TMEM200A: variants seen among roughly 807,000 people sequenced by gnomAD.
The protein encoded by TMEM200A is two transmembrane C.
TMEM200A carries 12 observed loss-of-function variants against 24.3 expected under a neutral mutation model. That is an observed-to-expected ratio of 0.49 (90% confidence interval 0.32 to 0.80). TMEM200A has a LOEUF of 0.80. Among genes scored for constraint, TMEM200A ranks in the 30% least tolerant of loss-of-function variants. The probability of loss-of-function intolerance (pLI) is 0.04; values close to 1 mark genes in which losing one functional copy is unlikely to be tolerated. For missense variants in TMEM200A, 545 were observed against 614.4 expected (o/e 0.89, Z 1.19); for synonymous variants, 224 against 224.4 (o/e 1.00, Z 0.02).
At chr6:130,428,389 A>G (rs1482806853) in intron 2 of TMEM200A, among the ~76,000 whole-genome samples, 1 of 152,024 alleles carries the variant, frequency 6.6e-6, no homozygotes, top group Non-Finnish European at 1.5e-5. Context: ...CTCTTCCTAT[A>G]CTTTATCCTC....
chr6:130,410,598 T>C (rs975468345), intron 2 of TMEM200A, among the ~76,000 whole-genome samples: 2 of 152,196 alleles, frequency 1.3e-5, no homozygotes, highest in Non-Finnish European at 2.9e-5. Flanking sequence ...TTAGAACCCA[T>C]GTACAAAAAT....
In TMEM200A at chr6:130,439,954, A is replaced by G. The variant is rs372562205; in HGVS notation, c.-16-453A>G. 7.9e-5 allele frequency among the ~76,000 whole-genome samples: 12 copies of G among 151,994 alleles called. No individual in the cohort carries two copies. The East Asian group carries it at 2.1e-3, about 27-fold the overall frequency. On this transcript the variant is annotated intron_variant, in intron 2 of 2. Coordinates refer to ENST00000296978, the MANE Select transcript of TMEM200A (RefSeq NM_001258277.2). The stretch of plus-strand genomic sequence containing the variant: ...TGTCAGTCTGGAGTGTTTGTTTTTG[A>G]CCTATTAAGTATTCTAGATTTGTCC...
intron 1 of TMEM200A, among the ~76,000 whole-genome samples, chr6:130,371,707 G>A (rs150174853): frequency 6.6e-6 from 1 of 152,160 alleles, no homozygotes; most frequent in Non-Finnish European, 1.5e-5. Context: ...TTTAGGGTTT[G>A]GGGTATAGCA....
chr6:130,427,538 A>AAGG (rs10694970), intron 2 of TMEM200A, among the ~76,000 whole-genome samples: 76,294 of 151,488 alleles, frequency 0.5, 23,010 homozygotes, highest in African/African-American at 0.85. Flanking sequence ...AATCTTTTGA[A>AAGG]AGAATTCATA....
rs573871718 is a variant in TMEM200A at position 130,415,039 on chromosome 6, T to C, written c.-16-25368T>C. Among the ~76,000 whole-genome samples, 13 of 152,242 alleles carry C rather than the reference T, an allele frequency of 8.5e-5. 1 individual carries two copies. The South Asian group carries it at 2.5e-3, about 29-fold the overall frequency. On this transcript the variant is annotated intron_variant, in intron 2 of 2. Coordinates refer to ENST00000296978, the MANE Select transcript of TMEM200A (RefSeq NM_001258277.2). ...CATTCATAGGACGTCAAGTATTTGG[T>C]TCAGCATGAAATATTTTATTGTTTT... is the stretch of plus-strand genomic sequence containing the variant.
At chr6:130,402,226 A>C (rs1166746861) in intron 2 of TMEM200A, among the ~76,000 whole-genome samples, 1 of 152,080 alleles carries the variant, frequency 6.6e-6, no homozygotes, top group Non-Finnish European at 1.5e-5. Context: ...GAAAAAAGAC[A>C]TAAAAATGAT....
intron 1 of TMEM200A, among the ~76,000 whole-genome samples, chr6:130,376,735 C>G (rs942579983): frequency 1.3e-5 from 2 of 152,078 alleles, no homozygotes; most frequent in Admixed American, 6.5e-5. Flanking sequence ...AAAAAATACA[C>G]AAGTATAATC....
intron 2 of TMEM200A, among the ~76,000 whole-genome samples, chr6:130,412,198 T>A (rs530829239): frequency 2.0e-5 from 3 of 149,000 alleles, no homozygotes; most frequent in Middle Eastern, 3.4e-3. Flanking sequence ...GATTTTTTTT[T>A]TTTTTCTTTT....
At chr6:130,418,554 T>C in intron 2 of TMEM200A, among the ~76,000 whole-genome samples, 1 of 152,136 alleles carries the variant, frequency 6.6e-6, no homozygotes. Flanking sequence ...AATAAAAACC[T>C]GAAGTCATTG....
At chr6:130,370,851 T>A (rs1778305731) in intron 1 of TMEM200A, among the ~76,000 whole-genome samples, 1 of 152,180 alleles carries the variant, frequency 6.6e-6, no homozygotes, top group Admixed American at 6.5e-5. Context: ...TGAGATTGGA[T>A]ACCCCCTACT....
intron 1 of TMEM200A, among the ~76,000 whole-genome samples, chr6:130,379,563 G>T (rs1055700586): frequency 6.6e-6 from 1 of 152,174 alleles, no homozygotes; most frequent in African/African-American, 2.4e-5. Context: ...GGGTTAACAC[G>T]ATCTGTGGGT....
Position 130,441,326 on chromosome 6 carries a change from G to T in TMEM200A, c.904G>T (p.Glu302Ter). ...VIKLNNCVID[E>*]PSIDNITEDA... ...CAAACTTAATAACTGTGTTATTGAT[G>T]AGCCCAGTATAGATAACATCACTGA... is the stretch of plus-strand genomic sequence containing the variant. The change falls in exon 3 of 3, where the codon GAG becomes TAG. Residue 302 changes from glutamate (E) to a stop codon, truncating the protein, a stop_gained. Transcript: ENST00000296978. LOFTEE classifies it high-confidence loss of function. The T allele has an allele frequency of 1.2e-6, 2 of 1,614,048 alleles. No homozygotes were observed. The highest frequency in any genetic ancestry group is 1.7e-6 in the Non-Finnish European group (2 of 1,179,984).
intron 2 of TMEM200A, among the ~76,000 whole-genome samples, chr6:130,439,679 G>C (rs1178165447): frequency 2.0e-5 from 3 of 152,162 alleles, no homozygotes; most frequent in Admixed American, 2.0e-4. Flanking sequence ...CAAGACTCTA[G>C]GGAGAAGTTC....
At chr6:130,408,723 CAG>C (rs1779263567) in intron 2 of TMEM200A, among the ~76,000 whole-genome samples, 2 of 152,192 alleles carry the variant, frequency 1.3e-5, no homozygotes, top group East Asian at 3.9e-4. Flanking sequence ...ATGTGGGTCA[CAG>C]AGAAGTTTGA....
At chr6:130,427,001 G>A (rs1779760816) in intron 2 of TMEM200A, among the ~76,000 whole-genome samples, 1 of 152,112 alleles carries the variant, frequency 6.6e-6, no homozygotes, top group South Asian at 2.1e-4. Flanking sequence ...TTATCATTTA[G>A]TCTGGTTTGT....
At position 130,399,599 on chromosome 6, in the gene TMEM200A, A is replaced by G. The variant is rs537732894; in HGVS notation, c.-17+14363A>G. Among the ~76,000 whole-genome samples, 159 of 149,658 alleles carry G rather than the reference A, an allele frequency of 1.1e-3. 1 individual carries two copies. Among genetic ancestry groups the G allele is most frequent in the Non-Finnish European group, 1.7e-3 (118 of 67,666 alleles). On this transcript the variant is annotated intron_variant, in intron 2 of 2. Transcript: ENST00000296978. ...TTAAAAACACCATTTCTTTTTTCAT[A>G]GTATACTATTTTCTACTTATGTTTT...
At chr6:130,402,508 C>A (rs1415418151) in intron 2 of TMEM200A, among the ~76,000 whole-genome samples, 1 of 152,044 alleles carries the variant, frequency 6.6e-6, no homozygotes, top group Non-Finnish European at 1.5e-5. Flanking sequence ...CATAATTTGT[C>A]TTCTCTTCCA....
chr6:130,378,415 T>C lies in TMEM200A; in HGVS notation c.-80-6758T>C, dbSNP rs536200997. Among the ~76,000 whole-genome samples, 24 of 152,064 alleles carry C rather than the reference T, an allele frequency of 1.6e-4. No homozygotes were observed. In the South Asian group the frequency reaches 4.8e-3, roughly 30 times the overall value. ...AATGTTCTTAGAAATCATGTGGTCATGTGAAAGTGATATTGATAAAGATCT... is the reference window on the plus strand; with the variant it reads ...AATGTTCTTAGAAATCATGTGGTCACGTGAAAGTGATATTGATAAAGATCT... On this transcript the variant is annotated intron_variant, in intron 1 of 2. Coordinates refer to ENST00000296978, the MANE Select transcript of TMEM200A (RefSeq NM_001258277.2).
At chr6:130,367,083 G>T (rs565967474) in intron 1 of TMEM200A, among the ~76,000 whole-genome samples, 4 of 152,136 alleles carry the variant, frequency 2.6e-5, no homozygotes, top group Non-Finnish European at 5.9e-5. Flanking sequence ...TTGTGTAGGC[G>T]CAAGCTCTCT....
Sources: gnomAD v4.1 joint callset for allele counts (sites outside exome capture counted in the v4.1 genomes callset) on GRCh38, gnomAD v4.1.1 for gene constraint, MANE v1.5 for transcripts, NCBI Gene and HGNC (gene_info 2026-07-23, HGNC 2026-07-21) for gene names.